Variants in SERPINI1 observed in about 807,000 individuals in gnomAD.
The protein encoded by SERPINI1 is serpin family I member 1, also known as neuroserpin.
Under a neutral mutation model 41.1 loss-of-function variants are expected in SERPINI1, and 19 were observed. The ratio of observed to expected loss-of-function variants is 0.46; its 90% CI spans 0.32 to 0.68. The LOEUF is 0.68. Among genes scored for constraint, SERPINI1 ranks in the 30% least tolerant of loss-of-function variants. SERPINI1 has a pLI of 0.03. For missense variants in SERPINI1, 460 were observed against 479.2 expected (o/e 0.96, Z 0.37); for synonymous variants, 138 against 156.6 (o/e 0.88, Z 0.89).
At chr3:167,817,967 A>G (rs1712171532) in intron 6 of SERPINI1, among the ~76,000 whole-genome samples, 1 of 152,078 alleles carries the variant, frequency 6.6e-6, no homozygotes, top group African/African-American at 2.4e-5. Context: ...TTTCAAAATT[A>G]TTCGCATAAA....
chr3:167,817,549 A>C (rs934931022), intron 6 of SERPINI1, among the ~76,000 whole-genome samples: 3 of 151,716 alleles, frequency 2.0e-5, no homozygotes, highest in Middle Eastern at 3.4e-3. Context: ...GGATTATTCA[A>C]ATATTCTATT....
intron 6 of SERPINI1, among the ~76,000 whole-genome samples, chr3:167,822,054 A>T (rs1577437683): frequency 6.6e-6 from 1 of 152,202 alleles, no homozygotes; most frequent in Non-Finnish European, 1.5e-5. Context: ...TCTCGTCTAA[A>T]AGCACTGTTA....
At chr3:167,751,328 A>G (rs568606879) in intron 1 of SERPINI1, among the ~76,000 whole-genome samples, 1 of 152,322 alleles carries the variant, frequency 6.6e-6, no homozygotes, top group African/African-American at 2.4e-5. Context: ...ACCTTGGTAA[A>G]TTTAAAATAT....
At chr3:167,753,929 A>T (rs756216061) in intron 1 of SERPINI1, among the ~76,000 whole-genome samples, 2 of 152,170 alleles carry the variant, frequency 1.3e-5, no homozygotes, top group Admixed American at 6.5e-5. Flanking sequence ...GTCTCTCTGG[A>T]TATATTACCT....
At chr3:167,769,540 C>T (rs1040341465) in intron 1 of SERPINI1, among the ~76,000 whole-genome samples, 1 of 152,124 alleles carries the variant, frequency 6.6e-6, no homozygotes, top group Admixed American at 6.5e-5. Flanking sequence ...GAGAAATCAT[C>T]TAATATTGTG....
chr3:167,759,963 A>G (rs533428700), intron 1 of SERPINI1, among the ~76,000 whole-genome samples: 12 of 152,300 alleles, frequency 7.9e-5, no homozygotes, highest in Non-Finnish European at 1.0e-4. Context: ...AAGACACTGC[A>G]TATATGTATG....
intron 5 of SERPINI1, among the ~76,000 whole-genome samples, chr3:167,799,382 T>C (rs902606643): frequency 1.3e-5 from 2 of 152,232 alleles, no homozygotes; most frequent in African/African-American, 4.8e-5. Flanking sequence ...TCATTCTTTT[T>C]TATGGCTGCA....
Position 167,756,917 on chromosome 3 carries a change from C to T in SERPINI1, c.-19+21094C>T, listed in dbSNP as rs139885345. On this transcript the variant is annotated intron_variant, in intron 1 of 8. Coordinates refer to ENST00000446050, the MANE Select transcript of SERPINI1 (RefSeq NM_001122752.2). ...TCTTCGTTATGTCACAAGTCTAAGCCACCATGTAAAAAATAGACTTAGTGA... is the reference window on the plus strand; with the variant it reads ...TCTTCGTTATGTCACAAGTCTAAGCTACCATGTAAAAAATAGACTTAGTGA... Among the ~76,000 whole-genome samples the T allele has an allele frequency of 2.0e-4, 30 of 152,218 alleles. 1 individual carries two copies. The highest frequency in any genetic ancestry group is 7.2e-4 in the African/African-American group (30 of 41,532).
chr3:167,781,185 G>A (rs1727110808), intron 1 of SERPINI1, among the ~76,000 whole-genome samples: 1 of 151,922 alleles, frequency 6.6e-6, no homozygotes, highest in Middle Eastern at 3.2e-3. Context: ...GGAAACACAG[G>A]CCCGGAAACT....
chr3:167,744,554 G>GACC (rs1245153809), intron 1 of SERPINI1, among the ~76,000 whole-genome samples: 4 of 145,974 alleles, frequency 2.7e-5, no homozygotes, highest in Non-Finnish European at 3.0e-5. Flanking sequence ...TATGGAAAAA[G>GACC]TAATGCTACA....
chr3:167,772,824 C>CTG (rs1726806262), intron 1 of SERPINI1, among the ~76,000 whole-genome samples: 1 of 6,034 alleles, frequency 1.7e-4, no homozygotes, highest in Non-Finnish European at 2.7e-4. Flanking sequence ...TATCTTGAGA[C>CTG]TCTCTCTCTC....
intron 1 of SERPINI1, among the ~76,000 whole-genome samples, chr3:167,759,832 A>G (rs1726322099): frequency 6.6e-6 from 1 of 152,192 alleles, no homozygotes; most frequent in Admixed American, 6.5e-5. Flanking sequence ...AAAGCCATAA[A>G]TAACACAGAT....
At chr3:167,822,893 G>C in intron 6 of SERPINI1, 93 bp from the exon 7 acceptor site, 1 of 737,840 alleles carries the variant, frequency 1.4e-6, no homozygotes, top group Non-Finnish European at 2.5e-6. Flanking sequence ...CAGTATCCCA[G>C]TCTCTTAGAT....
chr3:167,765,631 T>C (rs866921961), intron 1 of SERPINI1, among the ~76,000 whole-genome samples: 1 of 152,246 alleles, frequency 6.6e-6, no homozygotes, highest in Non-Finnish European at 1.5e-5. Flanking sequence ...TTGTTACTTA[T>C]GCAGATTTCT....
intron 8 of SERPINI1, among the ~76,000 whole-genome samples, chr3:167,824,940 A>T (rs1444961349): frequency 6.6e-6 from 1 of 151,900 alleles, no homozygotes; most frequent in Non-Finnish European, 1.5e-5. Context: ...TAGCTACTAG[A>T]GGTGTTGGGG....
intron 6 of SERPINI1, among the ~76,000 whole-genome samples, chr3:167,819,916 GTGCTCTTTCGAAAAA>G (rs1447814874): frequency 6.6e-6 from 1 of 152,162 alleles, no homozygotes; most frequent in Non-Finnish European, 1.5e-5. Context: ...TTACTCTCCT[GTGCTCTTTCGAAAAA>G]TGTATTTGAG....
chr3:167,825,135 G>C, intron 8 of SERPINI1, 112 bp from the exon 9 acceptor site: 1 of 783,746 alleles, frequency 1.3e-6, no homozygotes, highest in South Asian at 1.4e-5. Flanking sequence ...AAGGAAGGAA[G>C]GAAGGAAGGA....
chr3:167,814,788 TG>T (rs1283983189), intron 6 of SERPINI1, among the ~76,000 whole-genome samples: 2 of 152,196 alleles, frequency 1.3e-5, no homozygotes, highest in Non-Finnish European at 2.9e-5. Flanking sequence ...AGTTCTTCTC[TG>T]GGGGAACCTA....
At chr3:167,747,293 T>C (rs773097140) in intron 1 of SERPINI1, among the ~76,000 whole-genome samples, 2 of 152,076 alleles carry the variant, frequency 1.3e-5, no homozygotes, top group Non-Finnish European at 2.9e-5. Flanking sequence ...TCTGGGGTGA[T>C]GAAATGGTCT....
Sources: allele counts gnomAD v4.1 joint callset (sites outside exome capture counted in the v4.1 genomes callset), GRCh38; gene constraint gnomAD v4.1.1; transcripts MANE v1.5; gene names NCBI Gene and HGNC (gene_info 2026-07-23, HGNC 2026-07-21).